Variants in GIPC1 observed in about 807,000 individuals in gnomAD.
GIPC1 encodes the protein PDZ domain-containing protein GIPC1.
Under a neutral mutation model 28.5 loss-of-function variants are expected in GIPC1, and 15 were observed. The ratio of observed to expected loss-of-function variants is 0.53; its 90% confidence interval spans 0.35 to 0.81. The LOEUF (loss-of-function observed/expected upper bound fraction) is 0.81, where lower values mean the gene tolerates loss of function less well. Ranked by LOEUF, GIPC1 falls within the 30% of genes least tolerant of loss-of-function variation. The probability of loss-of-function intolerance (pLI) is 0.01; values close to 1 mark genes in which losing one functional copy is unlikely to be tolerated. For synonymous variants in GIPC1, 224 were observed against 206.1 expected, an observed-to-expected ratio of 1.09 and a Z score of -0.74; for missense variants, 439 against 481.9, an observed-to-expected ratio of 0.91 and a Z score of 0.83.
Position 14,478,588 on chromosome 19 carries a change from A to G in GIPC1, c.851-21T>C, listed in dbSNP as rs371043286. 3 of 1,613,680 alleles carry G rather than the reference A, an allele frequency of 1.9e-6. No homozygotes were observed. Among genetic ancestry groups the G allele is most frequent in the East Asian group, 4.5e-5 (2 of 44,868 alleles). On this transcript the variant is annotated intron_variant, in intron 8 of 8. Coordinates refer to ENST00000393033, the MANE Select transcript of GIPC1 (RefSeq NM_005716.4). This position sits in a 1 kb window ranked among gnomAD's most constrained non-coding sequence, Gnocchi z 5.2. ...GGCCGCTATTGGGGGAGGGGTCAGA[A>G]CGGAGGCACAAATGACACCAGGGAC...
chr19:14,483,264 T>C (rs1242909558), intron 3 of GIPC1: 1 of 363,594 alleles, frequency 2.8e-6, no homozygotes, highest in African/African-American at 2.1e-5. Context: ...GAAACCAGCT[T>C]GGCCAACATG....
chr19:14,479,523 G>A lies in GIPC1; in HGVS notation c.657C>T (p.Asp219=). The A allele has an allele frequency of 7.0e-7, 1 of 1,426,854 alleles. No homozygotes were observed. The highest frequency in any genetic ancestry group is 3.0e-5 in the East Asian group (1 of 33,708). 88.4% of individuals were successfully genotyped at this position (1,426,854 alleles called of 1,614,324 possible). ...CACCCGCTGAACGCTGGCTGATCAT[G>A]TCTGTGGGAGGCAGGAGAGGAGTGA... ...LKLTEPRKAF[D]MISQRSAGGR... is the part of the protein sequence containing the mutation. The change falls in exon 7 of 9, where the codon GAC becomes GAT. Residue 219 remains aspartate, a splice_region_variant and synonymous_variant. Transcript: ENST00000393033.
In GIPC1 at chr19:14,489,498, T is replaced by C. The variant is rs555715854; in HGVS notation, c.-31+2158A>G. 9.6e-6 allele frequency: 9 copies of C among 937,462 alleles called. No individual in the cohort carries two copies. In the African/African-American group the frequency reaches 1.3e-4, roughly 13 times the overall value. The allele number at this position is 937,462 out of a possible 1,614,324, so 58.1% of individuals were successfully genotyped here. On this transcript the variant is annotated intron_variant, in intron 3 of 8. Transcript: ENST00000393033. ...GAATATTGCGGGGATTTGATCCCTT[T>C]ATGAACCTTGTGATAGATGAATGTG...
intron 3 of GIPC1, among the ~76,000 whole-genome samples, chr19:14,487,214 T>G (rs879461600): frequency 7.9e-5 from 12 of 151,176 alleles, no homozygotes; most frequent in African/African-American, 1.2e-4. Context: ...TGCCTTTCTT[T>G]TTTTCTTTTT....
Position 14,496,067 on chromosome 19 carries a change from CGCCGCCGCT to C in GIPC1, c.-214_-206del, listed in dbSNP as rs1159069531. ...CCGCCGCCGCCGCCGCCGCCGCCGCCGCCGCCGCTGCCTCCGCCTCCCCGTGCGCACCCG... is the reference window on the plus strand; with the variant it reads ...CCGCCGCCGCCGCCGCCGCCGCCGCCGCCTCCGCCTCCCCGTGCGCACCCG... On this transcript the variant is annotated 5_prime_UTR_variant, in exon 1 of 9. Transcript: ENST00000393033. The C allele has an allele frequency of 5.2e-3, 1,298 of 251,744 alleles. 25 individuals carry two copies. Among genetic ancestry groups the C allele is most frequent in the African/African-American group, 0.029 (1,220 of 42,572 alleles). 15.6% of individuals were successfully genotyped at this position (251,744 alleles called of 1,614,324 possible).
chr19:14,488,221 T>G (rs545804870), intron 3 of GIPC1, among the ~76,000 whole-genome samples: 2 of 148,592 alleles, frequency 1.3e-5, no homozygotes, highest in Non-Finnish European at 3.0e-5. Context: ...GAGGTTGAGG[T>G]TGACGGATCA....
chr19:14,483,608 G>C (rs1482360737), intron 3 of GIPC1: 1 of 151,918 alleles, frequency 6.6e-6, no homozygotes, highest in Non-Finnish European at 1.5e-5. Flanking sequence ...AATTAGCCAG[G>C]CATGGTGGCG....
intron 6 of GIPC1, chr19:14,479,739 C>A (rs1169770663): frequency 4.7e-6 from 2 of 426,112 alleles, no homozygotes; most frequent in Non-Finnish European, 8.3e-6. Flanking sequence ...AGCTGGGGGC[C>A]AGGAATAGGA....
intron 3 of GIPC1, among the ~76,000 whole-genome samples, chr19:14,485,702 T>TATATATATATATATATAGAGAGAGAG (rs1300117748): frequency 1.7e-5 from 1 of 58,794 alleles, no homozygotes; most frequent in Non-Finnish European, 3.7e-5. Flanking sequence ...TATATATATA[T>TATATATATATATATATAGAGAGAGAG]AGAGAGAGAG....
intron 3 of GIPC1, among the ~76,000 whole-genome samples, chr19:14,485,708 G>T (rs1247867255): frequency 0.16 from 4,515 of 27,534 alleles, 91 homozygotes; most frequent in South Asian, 0.25. Context: ...TATATAGAGA[G>T]AGAGAGAGAG....
rs960238701 is a variant in GIPC1, at chr19:14,483,072, G to A, written c.-30-66C>T. On this transcript the variant is annotated intron_variant, in intron 3 of 8. Transcript: ENST00000393033. ...CTTGGGTGCCCCTCCCACACTACTCGAACCATACAGGCCCAAGGAAATACT... is the reference window on the plus strand; with the variant it reads ...CTTGGGTGCCCCTCCCACACTACTCAAACCATACAGGCCCAAGGAAATACT... 4.6e-6 allele frequency: 5 copies of A among 1,075,586 alleles called. No homozygotes were observed. The African/African-American group carries it at 6.3e-5, about 14-fold the overall frequency. The allele number at this position is 1,075,586 out of a possible 1,614,324, so 66.6% of individuals were successfully genotyped here.
intron 7 of GIPC1, 75 bp downstream of exon 7, chr19:14,479,337 A>G: frequency 3.3e-6 from 1 of 300,834 alleles, no homozygotes; most frequent in South Asian, 4.7e-5. Flanking sequence ...GGGTGACAAG[A>G]GTGAGACTCT....
chr19:14,477,922 T>G lies in GIPC1; in HGVS notation c.*494A>C, dbSNP rs546459577. 524 of 157,804 alleles carry G rather than the reference T, an allele frequency of 3.3e-3. 5 individuals are homozygous for G. Among genetic ancestry groups the G allele is most frequent in the African/African-American group, 0.012 (495 of 41,532 alleles). 9.8% of individuals were successfully genotyped at this position (157,804 alleles called of 1,614,324 possible). A position where few individuals can be genotyped will look rare whatever the true frequency, so the allele number is the denominator to read the frequency against. ...GGGTTCACAGCAGACTCGTGTCAAATGCGGAGGTAACAGGCTCCACAGGGA... is the reference window on the plus strand; with the variant it reads ...GGGTTCACAGCAGACTCGTGTCAAAGGCGGAGGTAACAGGCTCCACAGGGA... On this transcript the variant is annotated 3_prime_UTR_variant, in exon 9 of 9. Coordinates refer to ENST00000393033, the MANE Select transcript of GIPC1 (RefSeq NM_005716.4).
At chr19:14,485,684 A>AAAATATAT (rs1203964161) in intron 3 of GIPC1, among the ~76,000 whole-genome samples, 4 of 72,476 alleles carry the variant, frequency 5.5e-5, no homozygotes, top group East Asian at 3.5e-4. Context: ...TAAATAAACA[A>AAAATATAT]ATATATATAT....
intron 1 of GIPC1, 139 bp downstream of exon 1, chr19:14,495,898 C>G (rs116092141): frequency 0.28 from 42,665 of 151,456 alleles, 7,117 homozygotes; most frequent in Non-Finnish European, 0.38. Flanking sequence ...AAGGGGCCTC[C>G]GGCATCCCCG....
intron 6 of GIPC1, chr19:14,479,814 G>A (rs944162836): frequency 5.0e-6 from 2 of 398,026 alleles, no homozygotes; most frequent in South Asian, 1.1e-4. Context: ...GGAAGCAGGT[G>A]TACCCCAGCC....
intron 3 of GIPC1, among the ~76,000 whole-genome samples, chr19:14,485,246 G>A (rs1228341892): frequency 6.6e-6 from 1 of 152,004 alleles, no homozygotes; most frequent in Non-Finnish European, 1.5e-5. Flanking sequence ...GGGTGATCAC[G>A]ATAATGGCTC....
rs747570310 is a variant in GIPC1 at position 14,485,702 on chromosome 19, T to TAG, written c.-30-2698_-30-2697dup. Among the ~76,000 whole-genome samples the TAG allele has an allele frequency of 8.4e-3, 490 of 58,678 alleles. 2 individuals carry two copies. Among genetic ancestry groups the TAG allele is most frequent in the African/African-American group, 9.7e-3 (169 of 17,498 alleles). 38.5% of individuals were successfully genotyped at this position (58,678 alleles called of 152,430 possible). ...ATAAACAAATATATATATATATATA[T>TAG]AGAGAGAGAGAGAGAGAGAGAGAGA... On this transcript the variant is annotated intron_variant, in intron 3 of 8. Transcript: ENST00000393033.
intron 3 of GIPC1, among the ~76,000 whole-genome samples, chr19:14,490,791 G>C (rs2071953926): frequency 6.6e-6 from 1 of 150,654 alleles, no homozygotes; most frequent in Middle Eastern, 3.2e-3. Context: ...GGCTAACACA[G>C]TGAAACCCCG....
Sources: gnomAD v4.1 joint callset for allele counts (sites outside exome capture counted in the v4.1 genomes callset) on GRCh38, gnomAD v4.1.1 for gene constraint, Gnocchi (gnomAD v3.1) non-coding constraint, MANE v1.5 for transcripts, NCBI Gene and HGNC (gene_info 2026-07-23, HGNC 2026-07-21) for gene names.